HTR7: variants seen among roughly 807,000 people sequenced by gnomAD.
The protein encoded by HTR7 is 5-HT-7.
Under a neutral mutation model 34.0 loss-of-function variants are expected in HTR7, and 16 were observed. The ratio of observed to expected loss-of-function variants is 0.47; its 90% confidence interval spans 0.32 to 0.71. The LOEUF (loss-of-function observed/expected upper bound fraction) is 0.71. HTR7 is among the 30% of genes least tolerant of loss of function. The pLI is 0.04. For synonymous variants in HTR7, 265 were observed against 260.2 expected (o/e 1.02, Z -0.18); for missense variants, 504 against 625.5 (o/e 0.81, Z 2.07).
chr10:90,761,626 G>A (rs1844937112), intron 1 of HTR7, among the ~76,000 whole-genome samples: 1 of 113,766 alleles, frequency 8.8e-6, no homozygotes, highest in Non-Finnish European at 1.7e-5. Flanking sequence ...ACCATTTTGT[G>A]TGTATGCGTG....
At chr10:90,750,803 T>C (rs1248683022) in intron 1 of HTR7, among the ~76,000 whole-genome samples, 1 of 152,178 alleles carries the variant, frequency 6.6e-6, no homozygotes, top group Admixed American at 6.5e-5. Flanking sequence ...AGCATCACTA[T>C]AACACTTACA....
chr10:90,839,210 A>G (rs980142148), intron 1 of HTR7, among the ~76,000 whole-genome samples: 1 of 152,228 alleles, frequency 6.6e-6, no homozygotes, highest in African/African-American at 2.4e-5. Flanking sequence ...AAATTGTAAG[A>G]CAATCCTTTC....
At chr10:90,847,563 C>T (rs1014673895) in intron 1 of HTR7, among the ~76,000 whole-genome samples, 2 of 152,078 alleles carry the variant, frequency 1.3e-5, no homozygotes, top group African/African-American at 4.8e-5. Flanking sequence ...TGCACCCTGC[C>T]CTGCTGATTG....
chr10:90,783,143 T>C (rs1845332709), intron 1 of HTR7, among the ~76,000 whole-genome samples: 1 of 152,210 alleles, frequency 6.6e-6, no homozygotes, highest in South Asian at 2.1e-4. Flanking sequence ...CCCCTTTAAA[T>C]TAAATTCCAG....
At chr10:90,763,420 CT>C (rs34059202) in intron 1 of HTR7, among the ~76,000 whole-genome samples, 1 of 151,850 alleles carries the variant, frequency 6.6e-6, no homozygotes, top group Non-Finnish European at 1.5e-5. Flanking sequence ...TGTTTTATTT[CT>C]TTTTTTATAA....
At chr10:90,811,886 C>G (rs1417310949) in intron 1 of HTR7, among the ~76,000 whole-genome samples, 1 of 150,638 alleles carries the variant, frequency 6.6e-6, no homozygotes, top group Non-Finnish European at 1.5e-5. Context: ...CTTAGTTTAG[C>G]CTTCCCACCT....
intron 1 of HTR7, among the ~76,000 whole-genome samples, chr10:90,752,197 A>T (rs933273576): frequency 1.3e-5 from 2 of 148,288 alleles, no homozygotes; most frequent in Non-Finnish European, 2.9e-5. Context: ...ATATTACTAG[A>T]AAAAAAATGA....
At chr10:90,778,857 T>C (rs1845264027) in intron 1 of HTR7, among the ~76,000 whole-genome samples, 1 of 152,216 alleles carries the variant, frequency 6.6e-6, no homozygotes, top group African/African-American at 2.4e-5. Flanking sequence ...AACTCAAGTC[T>C]GAACTTGAAT....
At chr10:90,830,513 G>A (rs956453015) in intron 1 of HTR7, among the ~76,000 whole-genome samples, 1 of 152,166 alleles carries the variant, frequency 6.6e-6, no homozygotes, top group Non-Finnish European at 1.5e-5. Flanking sequence ...CCAGCCAGGC[G>A]CAGTGGCTCA....
At chr10:90,832,635 G>T (rs569773141) in intron 1 of HTR7, among the ~76,000 whole-genome samples, 2 of 152,226 alleles carry the variant, frequency 1.3e-5, no homozygotes, top group African/African-American at 2.4e-5. Context: ...CAGTGCAGCA[G>T]TGGGCTGAAG....
intron 1 of HTR7, among the ~76,000 whole-genome samples, chr10:90,841,140 G>A (rs771201853): frequency 2.6e-5 from 4 of 152,220 alleles, no homozygotes; most frequent in African/African-American, 7.2e-5. Flanking sequence ...TCAACCTCTC[G>A]GAGCCTCAGC....
intron 1 of HTR7, among the ~76,000 whole-genome samples, chr10:90,802,109 T>C (rs1845636774): frequency 1.3e-5 from 2 of 152,222 alleles, no homozygotes; most frequent in South Asian, 4.1e-4. Flanking sequence ...TGGTTCTGAC[T>C]AGACCGGTGT....
chr10:90,769,847 T>A (rs1845079041), intron 1 of HTR7, among the ~76,000 whole-genome samples: 1 of 152,230 alleles, frequency 6.6e-6, no homozygotes, highest in Admixed American at 6.5e-5. Flanking sequence ...TTTAAATTAC[T>A]GACAAAAATA....
chr10:90,841,154 C>T (rs1041078972), intron 1 of HTR7, among the ~76,000 whole-genome samples: 2 of 152,204 alleles, frequency 1.3e-5, no homozygotes, highest in Non-Finnish European at 2.9e-5. Context: ...CCTCAGCTTT[C>T]TCATCTGTAA....
intron 1 of HTR7, among the ~76,000 whole-genome samples, chr10:90,752,325 T>A (rs369772998): frequency 2.6e-5 from 4 of 152,088 alleles, no homozygotes; most frequent in Non-Finnish European, 5.9e-5. Flanking sequence ...TAAAAACACC[T>A]AGGAAAAAGC....
chr10:90,831,296 C>G (rs762083643), intron 1 of HTR7, among the ~76,000 whole-genome samples: 7 of 152,074 alleles, frequency 4.6e-5, no homozygotes, highest in Non-Finnish European at 8.8e-5. Context: ...CGGCTGTGTT[C>G]GGAGTTTCTT....
chr10:90,847,264 G>T (rs1377515463), intron 1 of HTR7, among the ~76,000 whole-genome samples: 2 of 151,848 alleles, frequency 1.3e-5, no homozygotes, highest in Admixed American at 1.3e-4. Flanking sequence ...TTTGGGAGTG[G>T]TCTGTAAGCA....
chr10:90,827,776 TAGC>T (rs1167661593), intron 1 of HTR7, among the ~76,000 whole-genome samples: 1 of 152,148 alleles, frequency 6.6e-6, no homozygotes, highest in Admixed American at 6.6e-5. Context: ...AATACAATGA[TAGC>T]AGGAGACCTC....
intron 1 of HTR7, among the ~76,000 whole-genome samples, chr10:90,826,914 G>A (rs761992003): frequency 6.6e-6 from 1 of 151,776 alleles, no homozygotes; most frequent in Non-Finnish European, 1.5e-5. Flanking sequence ...TCCAGCCTGG[G>A]TGACACAGCG....
Sources: gnomAD v4.1 joint callset for allele counts (sites outside exome capture counted in the v4.1 genomes callset) on GRCh38, gnomAD v4.1.1 for gene constraint, MANE v1.5 for transcripts, NCBI Gene and HGNC (gene_info 2026-07-23, HGNC 2026-07-21) for gene names.